PPP2R2C: variants seen among roughly 807,000 people sequenced by gnomAD.
The protein encoded by PPP2R2C is protein phosphatase 2, regulatory subunit B, gamma.
A neutral mutation model predicts 45.3 loss-of-function variants in PPP2R2C; 10 were observed. That is an observed-to-expected ratio of 0.22 (90% CI 0.14 to 0.37). The LOEUF (loss-of-function observed/expected upper bound fraction) is 0.37. Ranked by LOEUF, PPP2R2C falls within the 10% of genes least tolerant of loss-of-function variation. The pLI is 1.00. For missense variants in PPP2R2C, 308 were observed against 619.7 expected (o/e 0.50, Z 5.34); for synonymous variants, 257 against 245.4 (o/e 1.05, Z -0.44).
At chr4:6,536,702 G>C (rs1262649448) in intron 1 of PPP2R2C, among the ~76,000 whole-genome samples, 2 of 152,260 alleles carry the variant, frequency 1.3e-5, no homozygotes. Flanking sequence ...TCAATGCACA[G>C]GCCCCTTGTC....
intron 1 of PPP2R2C, among the ~76,000 whole-genome samples, chr4:6,468,598 A>G (rs1429790597): frequency 2.6e-5 from 4 of 152,100 alleles, no homozygotes; most frequent in Admixed American, 2.6e-4. Context: ...CTCCCCAGAA[A>G]GACCCAGTCA....
At chr4:6,447,941 G>C (rs1720518720) in intron 1 of PPP2R2C, among the ~76,000 whole-genome samples, 1 of 152,302 alleles carries the variant, frequency 6.6e-6, no homozygotes, top group South Asian at 2.1e-4. Context: ...GTGATAGGAA[G>C]TTTCTGGGAT....
chr4:6,475,322 G>A (rs1722106584), upstream of PPP2R2C, among the ~76,000 whole-genome samples: 1 of 152,160 alleles, frequency 6.6e-6, no homozygotes, highest in African/African-American at 2.4e-5. Flanking sequence ...AAATTTGTCA[G>A]CATCTCTCCA....
intron 1 of PPP2R2C, among the ~76,000 whole-genome samples, chr4:6,463,138 C>T (rs927330061): frequency 1.3e-5 from 2 of 152,222 alleles, no homozygotes; most frequent in African/African-American, 4.8e-5. Context: ...AAAGAGCTCC[C>T]TTTTATTGAG....
chr4:6,322,227 C>T lies in PPP2R2C; in HGVS notation c.*1075G>A, dbSNP rs1430860056. 2 of 152,104 alleles carry T rather than the reference C, an allele frequency of 1.3e-5. No homozygotes were observed. The highest frequency in any genetic ancestry group is 1.3e-4 in the Admixed American group (2 of 15,276). 9.4% of individuals were successfully genotyped at this position (152,104 alleles called of 1,614,324 possible). On this transcript the variant is annotated 3_prime_UTR_variant, in exon 9 of 9. Transcript: ENST00000382599. The surrounding 1 kb of genome is among the most constrained non-coding windows in gnomAD (Gnocchi z 7.8). ...CTGGAGAGAACCTTGTGTGAAGACC[C>T]GGACGGGTTCCTGACACCACTGCAC... is the stretch of plus-strand genomic sequence containing the variant.
intron 6 of PPP2R2C, among the ~76,000 whole-genome samples, chr4:6,343,624 G>A (rs1205309822): frequency 3.9e-5 from 6 of 152,138 alleles, no homozygotes; most frequent in South Asian, 2.1e-4. Flanking sequence ...AGAGGCTGAG[G>A]TGAGAGAATC....
chr4:6,429,772 T>C (rs1719518054), intron 1 of PPP2R2C, among the ~76,000 whole-genome samples: 1 of 152,180 alleles, frequency 6.6e-6, no homozygotes, highest in Non-Finnish European at 1.5e-5. Context: ...CAAAGGAGTT[T>C]GCTGGCAGGG....
intron 1 of PPP2R2C, among the ~76,000 whole-genome samples, chr4:6,403,188 C>G (rs576744820): frequency 6.6e-6 from 1 of 152,176 alleles, no homozygotes. Context: ...GCCGGGCTGT[C>G]GCTCTCATGC....
intron 2 of PPP2R2C, among the ~76,000 whole-genome samples, chr4:6,505,586 G>A (rs546313692): frequency 1.3e-5 from 2 of 152,322 alleles, no homozygotes; most frequent in East Asian, 3.9e-4. Flanking sequence ...AGGATGTATA[G>A]TATAATCCCA....
intron 1 of PPP2R2C, among the ~76,000 whole-genome samples, chr4:6,562,437 T>C (rs571579851): frequency 2.3e-5 from 3 of 131,612 alleles, no homozygotes; most frequent in Non-Finnish European, 4.7e-5. Flanking sequence ...TATCCTATAA[T>C]GGGGATAATG....
rs970504876 is a variant in PPP2R2C at position 6,432,440 on chromosome 4, G to A, written c.70+39720C>T. On this transcript the variant is annotated intron_variant, in intron 1 of 8. Transcript: ENST00000382599. Reference sequence around the variant, plus strand: ...TGTCCAAGGACCGTCGGGACCCAGCGCCTGCTGCCTCGTTTCCCCCTCTCC... The same window carrying A: ...TGTCCAAGGACCGTCGGGACCCAGCACCTGCTGCCTCGTTTCCCCCTCTCC... Among the ~76,000 whole-genome samples the A allele has an allele frequency of 7.2e-5, 11 of 152,164 alleles. No homozygotes were observed. In the East Asian group the frequency reaches 7.7e-4, roughly 11 times the overall value.
At chr4:6,503,826 G>A (rs551411403) in intron 2 of PPP2R2C, among the ~76,000 whole-genome samples, 8 of 150,538 alleles carry the variant, frequency 5.3e-5, no homozygotes, top group African/African-American at 1.7e-4. Context: ...TGAGAATTCT[G>A]CTTCTAGCAA....
chr4:6,506,325 T>C (rs551232672), intron 2 of PPP2R2C, among the ~76,000 whole-genome samples: 4 of 152,366 alleles, frequency 2.6e-5, no homozygotes, highest in Non-Finnish European at 5.9e-5. Context: ...TTACGGAACA[T>C]AGCTACCTCA....
chr4:6,535,358 GTCT>G, exon 2 of PPP2R2C: 1 of 1,529,894 alleles, frequency 6.5e-7, no homozygotes, highest in Non-Finnish European at 8.8e-7. Flanking sequence ...TTCAAAAAAG[GTCT>G]TCTTTCTATT....
chr4:6,373,322 G>T (rs1024871866), intron 4 of PPP2R2C, among the ~76,000 whole-genome samples: 1 of 152,354 alleles, frequency 6.6e-6, no homozygotes, highest in South Asian at 2.1e-4. Flanking sequence ...GCATTTCCGT[G>T]CTCGGCCCTG....
intron 1 of PPP2R2C, among the ~76,000 whole-genome samples, chr4:6,554,652 G>C (rs1405676239): frequency 6.6e-6 from 1 of 152,072 alleles, no homozygotes; most frequent in East Asian, 1.9e-4. Context: ...TTGAGGTCAG[G>C]AGTTCAAGAC....
At chr4:6,481,216 C>A (rs910751827) in intron 2 of PPP2R2C, among the ~76,000 whole-genome samples, 2 of 152,086 alleles carry the variant, frequency 1.3e-5, no homozygotes, top group African/African-American at 4.8e-5. Context: ...GGCATTTTGC[C>A]TTTTGTGTTC....
intron 2 of PPP2R2C, among the ~76,000 whole-genome samples, chr4:6,526,607 T>C (rs1171841032): frequency 6.6e-6 from 1 of 152,220 alleles, no homozygotes; most frequent in Non-Finnish European, 1.5e-5. Context: ...GCGCAGTGCC[T>C]GCCTGGCCCT....
intron 1 of PPP2R2C, among the ~76,000 whole-genome samples, chr4:6,467,258 C>G (rs945404797): frequency 6.6e-6 from 1 of 152,226 alleles, no homozygotes; most frequent in African/African-American, 2.4e-5. Context: ...AATGTCCCCC[C>G]TCTTAGCCTC....
Sources: gnomAD v4.1 joint callset for allele counts (sites outside exome capture counted in the v4.1 genomes callset) on GRCh38, gnomAD v4.1.1 for gene constraint, Gnocchi (gnomAD v3.1) non-coding constraint, MANE v1.5 for transcripts, NCBI Gene and HGNC (gene_info 2026-07-23, HGNC 2026-07-21) for gene names.